Variants in WNT2 observed in about 807,000 individuals in gnomAD.
WNT2 encodes Wnt family member 2.
Under a neutral mutation model 36.9 loss-of-function variants are expected in WNT2, and 12 were observed. That is an observed-to-expected ratio of 0.33 (90% CI 0.21 to 0.53). WNT2 has a LOEUF of 0.53. WNT2 is among the 20% of genes least tolerant of loss of function. WNT2 has a pLI of 0.95. For synonymous variants in WNT2, 163 were observed against 174.6 expected (o/e 0.93, Z 0.52); for missense variants, 379 against 473.1 (o/e 0.80, Z 1.84).
At chr7:117,311,497 A>G (rs1371428949) in intron 3 of WNT2, among the ~76,000 whole-genome samples, 2 of 152,204 alleles carry the variant, frequency 1.3e-5, no homozygotes, top group Non-Finnish European at 2.9e-5. Context: ...TGCTCATCTG[A>G]AAAGTAGAAA....
rs1794379066 is a variant in WNT2, at chr7:117,276,437, A to G, written c.*1718T>C. ...TCCCACCATCCGAATCCATAGAATA[A>G]AAGGAGGAAAGAGTCACTTTGGAAA... On this transcript the variant is annotated 3_prime_UTR_variant, in exon 5 of 5. Transcript: ENST00000265441. Among the ~76,000 whole-genome samples the G allele has an allele frequency of 2.0e-5, 3 of 152,234 alleles. No individual in the cohort carries two copies. Among genetic ancestry groups the G allele is most frequent in the Admixed American group, 2.0e-4 (3 of 15,280 alleles).
intron 1 of WNT2, among the ~76,000 whole-genome samples, chr7:117,321,760 GA>G (rs1316975471): frequency 1.5e-4 from 23 of 152,164 alleles, no homozygotes; most frequent in Non-Finnish European, 1.0e-4. Flanking sequence ...TACACCCATG[GA>G]AACAGAAATA....
At chr7:117,292,480 A>G (rs17132543) in intron 4 of WNT2, among the ~76,000 whole-genome samples, 18,164 of 152,220 alleles carry the variant, frequency 0.12, 1,783 homozygotes, top group East Asian at 0.44. Context: ...GCATATGTAC[A>G]TAAGGTGTGT....
intron 2 of WNT2, among the ~76,000 whole-genome samples, chr7:117,319,412 TCA>T (rs1397097098): frequency 1.3e-5 from 2 of 151,916 alleles, no homozygotes; most frequent in African/African-American, 4.8e-5. Flanking sequence ...TTAGAGACAT[TCA>T]GTTATGCATT....
chr7:117,277,990 G>C lies in WNT2; in HGVS notation c.*165C>G. On this transcript the variant is annotated 3_prime_UTR_variant, in exon 5 of 5. Coordinates refer to ENST00000265441, the MANE Select transcript of WNT2 (RefSeq NM_003391.3). ...GGGTAGGCTTTAGGTGCAGCGTGTG[G>C]CCCCCCCATCCTGGGGCCCCCAGGG... 2 of 681,934 alleles carry C rather than the reference G, an allele frequency of 2.9e-6. No individual in the cohort carries two copies. Among genetic ancestry groups the C allele is most frequent in the Admixed American group, 2.8e-5 (1 of 35,228 alleles). The allele number at this position is 681,934 out of a possible 1,614,324, so 42.2% of individuals were successfully genotyped here. A position where few individuals can be genotyped will look rare whatever the true frequency, so the allele number is the denominator to read the frequency against.
At chr7:117,321,781 T>A (rs775608750) in intron 1 of WNT2, among the ~76,000 whole-genome samples, 3 of 152,228 alleles carry the variant, frequency 2.0e-5, no homozygotes, top group Admixed American at 6.5e-5. Flanking sequence ...AGTCATTTTA[T>A]TGAAAAATGG....
At chr7:117,281,928 A>G (rs1056413311) in intron 4 of WNT2, among the ~76,000 whole-genome samples, 2 of 152,170 alleles carry the variant, frequency 1.3e-5, no homozygotes, top group African/African-American at 4.8e-5. Flanking sequence ...CAGTGAGTGT[A>G]GGTAAAGTTT....
intron 1 of WNT2, 97 bp from the exon 2 acceptor site, chr7:117,320,890 A>T: frequency 9.7e-7 from 1 of 1,032,448 alleles, no homozygotes; most frequent in South Asian, 1.4e-5. Context: ...GCACTTTTCA[A>T]ATATGAATTC....
At chr7:117,295,591 C>A (rs1303703129) in intron 4 of WNT2, among the ~76,000 whole-genome samples, 1 of 152,210 alleles carries the variant, frequency 6.6e-6, no homozygotes, top group African/African-American at 2.4e-5. Context: ...CTTCCCTGTG[C>A]AAACTGCTTC....
chr7:117,289,393 G>A (rs1423414376), intron 4 of WNT2, among the ~76,000 whole-genome samples: 2 of 152,046 alleles, frequency 1.3e-5, no homozygotes, highest in Non-Finnish European at 2.9e-5. Context: ...GAATAGCCAG[G>A]CAAGCAACAT....
intron 2 of WNT2, among the ~76,000 whole-genome samples, chr7:117,315,965 A>G (rs1020646437): frequency 6.6e-6 from 1 of 152,242 alleles, no homozygotes; most frequent in East Asian, 1.9e-4. Context: ...ATTGACTTTC[A>G]TAAGTAATTG....
rs1794377794 is a variant in WNT2, at chr7:117,276,368, C to A, written c.*1787G>T. ...ACTGAGCAGCTGCCCATGTGCCTGGCCTTCTTCACACCAAGCTCAGAGCAG... is the reference window on the plus strand; with the variant it reads ...ACTGAGCAGCTGCCCATGTGCCTGGACTTCTTCACACCAAGCTCAGAGCAG... On this transcript the variant is annotated 3_prime_UTR_variant, in exon 5 of 5. Transcript: ENST00000265441. 5.9e-5 allele frequency among the ~76,000 whole-genome samples: 9 copies of A among 152,230 alleles called. No individual in the cohort carries two copies. The highest frequency in any genetic ancestry group is 5.9e-4 in the Admixed American group (9 of 15,284).
chr7:117,318,048 T>C (rs1795253294), intron 2 of WNT2, among the ~76,000 whole-genome samples: 1 of 152,200 alleles, frequency 6.6e-6, no homozygotes, highest in Non-Finnish European at 1.5e-5. Flanking sequence ...AATGAGTAAA[T>C]TACAAATGTT....
At chr7:117,280,093 T>A (rs1794454809) in intron 4 of WNT2, among the ~76,000 whole-genome samples, 9 of 151,824 alleles carry the variant, frequency 5.9e-5, no homozygotes, top group Admixed American at 5.9e-4. Context: ...TCAGAATGAT[T>A]GGCGGCGGAG....
intron 1 of WNT2, 92 bp from the exon 2 acceptor site, chr7:117,320,885 TTTCAAATATGAA>T: frequency 9.2e-7 from 1 of 1,087,974 alleles, no homozygotes; most frequent in South Asian, 1.4e-5. Context: ...TCAAAGCACT[TTTCAAATATGAA>T]TTCCTTATCC....
intron 4 of WNT2, among the ~76,000 whole-genome samples, chr7:117,278,619 A>C (rs939196659): frequency 2.0e-5 from 3 of 152,046 alleles, no homozygotes; most frequent in Admixed American, 6.5e-5. Flanking sequence ...TGAACATGAA[A>C]CTTTGGATTT....
chr7:117,319,532 G>C (rs1337878427), intron 2 of WNT2, among the ~76,000 whole-genome samples: 1 of 143,756 alleles, frequency 7.0e-6, no homozygotes, highest in African/African-American at 2.6e-5. Flanking sequence ...TGGGGGGGGG[G>C]GTAGGCAAAA....
chr7:117,303,721 T>C (rs1794958220), intron 3 of WNT2, among the ~76,000 whole-genome samples: 1 of 152,226 alleles, frequency 6.6e-6, no homozygotes, highest in Admixed American at 6.5e-5. Context: ...CATAATATTA[T>C]TAACTGCACA....
At chr7:117,289,916 T>A (rs867221855) in intron 4 of WNT2, among the ~76,000 whole-genome samples, 3 of 152,032 alleles carry the variant, frequency 2.0e-5, no homozygotes, top group African/African-American at 7.3e-5. Flanking sequence ...CCCGGGATGA[T>A]GGAGGTGACA....
Sources: allele counts gnomAD v4.1 joint callset (sites outside exome capture counted in the v4.1 genomes callset), GRCh38; gene constraint gnomAD v4.1.1; transcripts MANE v1.5; gene names NCBI Gene and HGNC (gene_info 2026-07-23, HGNC 2026-07-21).